The following FAM13A variants were observed in gnomAD, a reference collection of about 807,000 sequenced individuals.
FAM13A encodes the protein family with sequence similarity 13 member A.
FAM13A carries 76 observed loss-of-function variants against 129.6 expected under a neutral mutation model. The ratio of observed to expected loss-of-function variants is 0.59; its 90% CI spans 0.49 to 0.71. FAM13A has a LOEUF of 0.71. Among genes scored for constraint, FAM13A ranks in the 30% least tolerant of loss-of-function variants. The pLI, the probability that FAM13A is intolerant of heterozygous loss-of-function variation, is 0.00. For missense variants in FAM13A, 1,108 were observed against 1,249.3 expected (o/e 0.89, Z 1.70); for synonymous variants, 443 against 449.9 (o/e 0.98, Z 0.20).
chr4:88,950,827 G>A (rs1399543819), intron 4 of FAM13A, among the ~76,000 whole-genome samples: 1 of 152,130 alleles, frequency 6.6e-6, no homozygotes, highest in Non-Finnish European at 1.5e-5. Flanking sequence ...AACAGTGACG[G>A]GTCAATAACT....
intron 11 of FAM13A, among the ~76,000 whole-genome samples, chr4:88,771,288 A>T (rs1469868045): frequency 6.6e-6 from 1 of 152,044 alleles, no homozygotes; most frequent in Non-Finnish European, 1.5e-5. Flanking sequence ...TTAGGGAGGA[A>T]TGATTAAGAT....
intron 7 of FAM13A, among the ~76,000 whole-genome samples, chr4:88,823,757 T>A (rs958947433): frequency 1.3e-5 from 2 of 152,234 alleles, no homozygotes; most frequent in Non-Finnish European, 2.9e-5. Context: ...TATTTCCTGC[T>A]GATGTTTGTT....
At chr4:88,851,595 A>C (rs1395348151) in intron 6 of FAM13A, among the ~76,000 whole-genome samples, 1 of 152,226 alleles carries the variant, frequency 6.6e-6, no homozygotes, top group African/African-American at 2.4e-5. Flanking sequence ...AACCACTGGA[A>C]TAAAGGATGC....
intron 10 of FAM13A, among the ~76,000 whole-genome samples, chr4:88,781,853 G>A (rs1333135396): frequency 6.7e-6 from 1 of 149,482 alleles, no homozygotes; most frequent in Non-Finnish European, 1.5e-5. Context: ...GGTGGGGGGA[G>A]CGGGGAGGGA....
intron 4 of FAM13A, among the ~76,000 whole-genome samples, chr4:88,982,998 C>A (rs1761824849): frequency 6.6e-6 from 1 of 152,116 alleles, no homozygotes; most frequent in Admixed American, 6.6e-5. Flanking sequence ...GAGACTAAAC[C>A]CTTTGACTCA....
rs535339569 is a variant in FAM13A at position 89,011,100 on chromosome 4, G to A, written c.427+9360C>T. Among the ~76,000 whole-genome samples, 324 of 152,060 alleles carry A rather than the reference G, an allele frequency of 2.1e-3. 1 individual carries two copies. Among genetic ancestry groups the A allele is most frequent in the Admixed American group, 9.9e-3 (151 of 15,268 alleles). On this transcript the variant is annotated intron_variant, in intron 3 of 23. Coordinates refer to ENST00000264344, the MANE Select transcript of FAM13A (RefSeq NM_014883.4). Reference sequence around the variant, plus strand: ...TGACCTCAGGTGATCCTCCCATCTCGGCCTCCCAAAATGCTGGGATTGCAG... The same window carrying A: ...TGACCTCAGGTGATCCTCCCATCTCAGCCTCCCAAAATGCTGGGATTGCAG...
At chr4:88,837,590 T>C (rs1457288745) in intron 7 of FAM13A, among the ~76,000 whole-genome samples, 1 of 151,410 alleles carries the variant, frequency 6.6e-6, no homozygotes, top group East Asian at 2.0e-4. Context: ...TGGTGGCACA[T>C]GCCTGTAATC....
At chr4:88,975,890 A>G (rs1413518673) in intron 4 of FAM13A, among the ~76,000 whole-genome samples, 3 of 152,192 alleles carry the variant, frequency 2.0e-5, no homozygotes, top group Non-Finnish European at 4.4e-5. Flanking sequence ...CTAAAGGACA[A>G]AACACCAGTC....
chr4:89,042,539 T>C (rs1003105044), intron 1 of FAM13A, among the ~76,000 whole-genome samples: 1 of 152,220 alleles, frequency 6.6e-6, no homozygotes, highest in African/African-American at 2.4e-5. Flanking sequence ...TATAGGGTTA[T>C]TTATGTGCAT....
intron 11 of FAM13A, among the ~76,000 whole-genome samples, chr4:88,780,743 G>A (rs1354206226): frequency 6.6e-6 from 1 of 151,976 alleles, no homozygotes. Context: ...AGAGATTTCT[G>A]AACATGAAGA....
intron 4 of FAM13A, among the ~76,000 whole-genome samples, chr4:88,987,328 A>AGT (rs1491363750): frequency 6.6e-6 from 1 of 152,230 alleles, no homozygotes; most frequent in Non-Finnish European, 1.5e-5. Flanking sequence ...TCAAACTGAT[A>AGT]GTGAATAGGG....
chr4:89,014,806 C>T (rs112369791), intron 3 of FAM13A, among the ~76,000 whole-genome samples: 10,234 of 152,070 alleles, frequency 0.067, 449 homozygotes, highest in Non-Finnish European at 0.098. Context: ...CTGCGTTAAC[C>T]GCACAAATTG....
chr4:88,861,296 G>A (rs1361701130), intron 6 of FAM13A, among the ~76,000 whole-genome samples: 1 of 149,942 alleles, frequency 6.7e-6, no homozygotes, highest in African/African-American at 2.5e-5. Context: ...CAGGAAAATC[G>A]CTTGAATCCG....
chr4:88,821,493 A>G (rs879209288), intron 7 of FAM13A, among the ~76,000 whole-genome samples: 6 of 152,192 alleles, frequency 3.9e-5, no homozygotes, highest in Admixed American at 3.9e-4. Flanking sequence ...AATCGTTTTG[A>G]TTGCCTAAAC....
intron 6 of FAM13A, among the ~76,000 whole-genome samples, chr4:88,854,206 T>C (rs1264852810): frequency 2.6e-5 from 4 of 152,192 alleles, no homozygotes; most frequent in African/African-American, 9.6e-5. Context: ...CATGCTTTTA[T>C]AAAACATATT....
intron 6 of FAM13A, among the ~76,000 whole-genome samples, chr4:88,867,826 T>C (rs1740710192): frequency 6.6e-6 from 1 of 152,162 alleles, no homozygotes; most frequent in Non-Finnish European, 1.5e-5. Context: ...AGATACCAAC[T>C]TTAGGATATG....
At chr4:88,817,876 T>C (rs940048637) in intron 7 of FAM13A, among the ~76,000 whole-genome samples, 2 of 152,228 alleles carry the variant, frequency 1.3e-5, no homozygotes, top group East Asian at 3.8e-4. Context: ...TGAAACTGTA[T>C]TGCAAGCATA....
chr4:88,976,005 C>G (rs983426023), intron 4 of FAM13A, among the ~76,000 whole-genome samples: 1 of 152,154 alleles, frequency 6.6e-6, no homozygotes, highest in East Asian at 1.9e-4. Flanking sequence ...AGCCTTAGGT[C>G]ATCCTTTGTT....
At chr4:88,928,557 C>A (rs1033916710) in intron 5 of FAM13A, among the ~76,000 whole-genome samples, 2 of 152,052 alleles carry the variant, frequency 1.3e-5, no homozygotes, top group African/African-American at 4.8e-5. Flanking sequence ...ATAAAACCTT[C>A]TTTGTCTTTT....
Sources: gnomAD v4.1 joint callset for allele counts (sites outside exome capture counted in the v4.1 genomes callset) on GRCh38, gnomAD v4.1.1 for gene constraint, MANE v1.5 for transcripts, NCBI Gene and HGNC (gene_info 2026-07-23, HGNC 2026-07-21) for gene names.